MTHFD1L: variants seen among roughly 807,000 people sequenced by gnomAD.
MTHFD1L encodes the protein monofunctional C1-tetrahydrofolate synthase, mitochondrial.
Under a neutral mutation model 119.5 loss-of-function variants are expected in MTHFD1L, and 81 were observed. That is an observed-to-expected ratio of 0.68 (90% CI 0.57 to 0.82). The LOEUF is 0.82. Among genes scored for constraint, MTHFD1L ranks in the 40% least tolerant of loss-of-function variants. The pLI, the probability that MTHFD1L is intolerant of heterozygous loss-of-function variation, is 0.00. For missense variants in MTHFD1L, 1,125 were observed against 1,253.4 expected, an observed-to-expected ratio of 0.90 and a Z score of 1.55; for synonymous variants, 430 against 475.2, an observed-to-expected ratio of 0.90 and a Z score of 1.24.
At chr6:150,875,424 G>T (rs990315568) in intron 1 of MTHFD1L, among the ~76,000 whole-genome samples, 1 of 152,124 alleles carries the variant, frequency 6.6e-6, no homozygotes, top group African/African-American at 2.4e-5. Flanking sequence ...GGTGGCTGCT[G>T]CTGGGCATTT....
chr6:151,034,439 A>C (rs1785813558), intron 24 of MTHFD1L, 54 bp from the exon 25 acceptor site: 1 of 1,280,882 alleles, frequency 7.8e-7, no homozygotes, highest in Middle Eastern at 2.6e-4. Flanking sequence ...GTTTTTAAAA[A>C]ATCTTTAACC....
chr6:151,040,160 G>A (rs1309825438), intron 26 of MTHFD1L, among the ~76,000 whole-genome samples: 3 of 152,094 alleles, frequency 2.0e-5, no homozygotes, highest in Non-Finnish European at 2.9e-5. Flanking sequence ...CCTCAGTCAC[G>A]ATCTGTCCTG....
At chr6:151,012,596 G>A (rs147664492) in intron 21 of MTHFD1L, among the ~76,000 whole-genome samples, 250 of 152,100 alleles carry the variant, frequency 1.6e-3, no homozygotes, top group African/African-American at 5.9e-3. Flanking sequence ...GCCATTCCCA[G>A]TGCAATCCAA....
chr6:150,975,050 C>G (rs6927521), intron 20 of MTHFD1L, among the ~76,000 whole-genome samples: 64,833 of 151,932 alleles, frequency 0.43, 15,860 homozygotes, highest in African/African-American at 0.63. Flanking sequence ...AATTCTCTTC[C>G]TTTTTAAGGC....
chr6:150,927,967 T>G (rs2128914213), intron 11 of MTHFD1L, among the ~76,000 whole-genome samples: 1 of 152,288 alleles, frequency 6.6e-6, no homozygotes, highest in South Asian at 2.1e-4. Context: ...TTCCACAACT[T>G]ACTTGACCAA....
intron 26 of MTHFD1L, among the ~76,000 whole-genome samples, chr6:151,090,172 G>T (rs1425112337): frequency 1.3e-5 from 2 of 152,208 alleles, no homozygotes; most frequent in Non-Finnish European, 2.9e-5. Flanking sequence ...GGCAGGGAAG[G>T]GGGTGTTAAT....
intron 26 of MTHFD1L, among the ~76,000 whole-genome samples, chr6:151,040,257 G>A (rs9478923): frequency 0.12 from 18,643 of 152,196 alleles, 2,653 homozygotes; most frequent in African/African-American, 0.34. Context: ...CACTCAGCTC[G>A]GGGCTACAGG....
intron 26 of MTHFD1L, among the ~76,000 whole-genome samples, chr6:151,049,468 G>C (rs1788652328): frequency 6.7e-6 from 1 of 150,082 alleles, no homozygotes; most frequent in African/African-American, 2.5e-5. Context: ...CTCCAGCCTG[G>C]GCAAGACAGC....
chr6:150,962,609 G>T (rs915638959), intron 18 of MTHFD1L, among the ~76,000 whole-genome samples: 7 of 152,142 alleles, frequency 4.6e-5, no homozygotes, highest in Admixed American at 4.6e-4. Flanking sequence ...CACAGAGTGT[G>T]GAATGCTAGC....
At chr6:150,924,915 GA>G (rs1203157091) in intron 10 of MTHFD1L, among the ~76,000 whole-genome samples, 4 of 151,850 alleles carry the variant, frequency 2.6e-5, no homozygotes, top group Non-Finnish European at 4.4e-5. Context: ...TGGAGGCCTG[GA>G]AAGGAATACT....
intron 7 of MTHFD1L, among the ~76,000 whole-genome samples, chr6:150,897,435 G>A (rs1245540073): frequency 6.6e-6 from 1 of 152,162 alleles, no homozygotes; most frequent in African/African-American, 2.4e-5. Flanking sequence ...TGGTGTTAGG[G>A]TCATGGGATT....
chr6:151,054,383 T>C (rs1476902521), intron 26 of MTHFD1L, among the ~76,000 whole-genome samples: 3 of 152,132 alleles, frequency 2.0e-5, no homozygotes, highest in Non-Finnish European at 2.9e-5. Flanking sequence ...CTTTGCAGCA[T>C]TGAAAAAACA....
intron 20 of MTHFD1L, among the ~76,000 whole-genome samples, chr6:150,986,115 G>A (rs1419668586): frequency 2.0e-5 from 3 of 152,150 alleles, no homozygotes; most frequent in African/African-American, 7.2e-5. Context: ...GAGTAGCTAA[G>A]TCATTTTGTA....
At chr6:151,003,257 C>T (rs765259551) in intron 20 of MTHFD1L, among the ~76,000 whole-genome samples, 32 of 152,264 alleles carry the variant, frequency 2.1e-4, no homozygotes, top group East Asian at 1.9e-3. Context: ...GTTGGCCGGG[C>T]GCCGTGGCTC....
chr6:150,926,344 A>G lies in MTHFD1L; in HGVS notation c.1256+49A>G. On this transcript the variant is annotated intron_variant, in intron 11 of 27. Coordinates refer to ENST00000367321, the MANE Select transcript of MTHFD1L (RefSeq NM_015440.5). This position sits in a 1 kb window ranked among gnomAD's most constrained non-coding sequence, Gnocchi z 4.3. Reference sequence around the variant, plus strand: ...TTGATCAAGCAGACATATTTACAAAACTCTTCCCTATTTATCTCTCTCCTC... The same window carrying G: ...TTGATCAAGCAGACATATTTACAAAGCTCTTCCCTATTTATCTCTCTCCTC... 6.6e-7 allele frequency: 1 copy of G among 1,515,322 alleles called. No individual in the cohort carries two copies. The highest frequency in any genetic ancestry group is 1.2e-5 in the South Asian group (1 of 83,320). 93.9% of individuals were successfully genotyped at this position (1,515,322 alleles called of 1,614,324 possible). A position where few individuals can be genotyped will look rare whatever the true frequency, so the allele number is the denominator to read the frequency against.
intron 7 of MTHFD1L, among the ~76,000 whole-genome samples, chr6:150,894,642 A>T (rs1783916823): frequency 6.6e-6 from 1 of 152,110 alleles, no homozygotes; most frequent in African/African-American, 2.4e-5. Context: ...TCGGCTGGAG[A>T]TCCCTGATGG....
intron 20 of MTHFD1L, among the ~76,000 whole-genome samples, chr6:150,973,945 C>G (rs1776158109): frequency 6.6e-6 from 1 of 152,208 alleles, no homozygotes; most frequent in Non-Finnish European, 1.5e-5. Context: ...TGAATAGGAT[C>G]AAGTGAGAAA....
intron 1 of MTHFD1L, chr6:150,866,250 C>A: frequency 7.0e-7 from 1 of 1,423,286 alleles, no homozygotes; most frequent in Non-Finnish European, 9.2e-7. Flanking sequence ...ACGGGGGATC[C>A]AGTACCCGAC....
At chr6:150,884,859 G>A (rs1257572676) in intron 5 of MTHFD1L, among the ~76,000 whole-genome samples, 1 of 152,072 alleles carries the variant, frequency 6.6e-6, no homozygotes, top group Non-Finnish European at 1.5e-5. Context: ...TAAATATCGA[G>A]GTCAAGTTGA....
Sources: gnomAD v4.1 joint callset for allele counts (sites outside exome capture counted in the v4.1 genomes callset) on GRCh38, gnomAD v4.1.1 for gene constraint, Gnocchi (gnomAD v3.1) non-coding constraint, MANE v1.5 for transcripts, NCBI Gene and HGNC (gene_info 2026-07-23, HGNC 2026-07-21) for gene names.